Variants in LRRC4C observed in about 807,000 individuals in gnomAD.
The protein encoded by LRRC4C is leucine-rich repeat-containing protein 4C.
A neutral mutation model predicts 33.6 loss-of-function variants in LRRC4C; 5 were observed. The observed-to-expected ratio is 0.15, with a 90% CI of 0.08 to 0.31. The LOEUF is 0.31. LRRC4C is among the 10% of genes least tolerant of loss of function. The pLI is 1.00. For synonymous variants in LRRC4C, 329 were observed against 302.0 expected, an observed-to-expected ratio of 1.09 and a Z score of -0.93; for missense variants, 560 against 796.7, an observed-to-expected ratio of 0.70 and a Z score of 3.58.
chr11:40,321,821 CA>C (rs1387297613), intron 3 of LRRC4C, among the ~76,000 whole-genome samples: 1 of 152,110 alleles, frequency 6.6e-6, no homozygotes, highest in Non-Finnish European at 1.5e-5. Context: ...ATTGTATGTT[CA>C]GGGGAACAAA....
At chr11:40,983,522 A>C (rs1852689453) in intron 1 of LRRC4C, among the ~76,000 whole-genome samples, 1 of 152,198 alleles carries the variant, frequency 6.6e-6, no homozygotes, top group South Asian at 2.1e-4. Context: ...AATGGGATTT[A>C]ATTAAACTAA....
intron 2 of LRRC4C, among the ~76,000 whole-genome samples, chr11:40,696,750 A>ATATG (rs1945568301): frequency 1.5e-5 from 1 of 66,978 alleles, no homozygotes; most frequent in Non-Finnish European, 3.4e-5. Flanking sequence ...TACACTGTGT[A>ATATG]TATATATATA....
chr11:40,239,861 G>T (rs1424963990), intron 5 of LRRC4C, among the ~76,000 whole-genome samples: 1 of 152,132 alleles, frequency 6.6e-6, no homozygotes, highest in African/African-American at 2.4e-5. Context: ...GTTTCTTCTT[G>T]AAAAGATACT....
At chr11:40,469,250 G>T (rs113845391) in intron 3 of LRRC4C, among the ~76,000 whole-genome samples, 21,381 of 152,152 alleles carry the variant, frequency 0.14, 1,584 homozygotes, top group Non-Finnish European at 0.15. Flanking sequence ...GCAGGGTGGG[G>T]TGTCACCTCA....
rs1955932244 is a variant in LRRC4C, at chr11:40,896,188, T to C, written c.-407+37447A>G. On this transcript the variant is annotated intron_variant, in intron 2 of 6. Coordinates refer to ENST00000528697, the MANE Select transcript of LRRC4C (RefSeq NM_001258419.2). The stretch of plus-strand genomic sequence containing the variant: ...TTTTGCTTAGAAGTTTGATCAGCTT[T>C]AAAGTTCGCTCCAGCTCAGCATAGA... Among the ~76,000 whole-genome samples the C allele has an allele frequency of 4.6e-5, 7 of 152,314 alleles. No homozygotes were observed. The South Asian group carries it at 1.4e-3, about 32-fold the overall frequency.
chr11:41,063,671 C>T (rs972583082), intron 1 of LRRC4C, among the ~76,000 whole-genome samples: 4 of 151,960 alleles, frequency 2.6e-5, no homozygotes, highest in African/African-American at 4.8e-5. Context: ...GAGGCTGTAG[C>T]GAAGTAAATT....
At chr11:41,163,304 A>ATTTTTTTTTTTTTTTTTTTG (rs1565440667) in intron 1 of LRRC4C, among the ~76,000 whole-genome samples, 1 of 105,256 alleles carries the variant, frequency 9.5e-6, no homozygotes, top group African/African-American at 3.5e-5. Flanking sequence ...TTTTTTTTCA[A>ATTTTTTTTTTTTTTTTTTTG]ACAGGGTCTT....
At chr11:41,227,460 A>G (rs1279201092) in intron 1 of LRRC4C, among the ~76,000 whole-genome samples, 1 of 152,072 alleles carries the variant, frequency 6.6e-6, no homozygotes, top group Non-Finnish European at 1.5e-5. Flanking sequence ...GTTGCAACCA[A>G]CAAAACACAC....
intron 1 of LRRC4C, among the ~76,000 whole-genome samples, chr11:40,978,675 G>A (rs1288964266): frequency 6.7e-6 from 1 of 148,718 alleles, no homozygotes; most frequent in African/African-American, 2.5e-5. Flanking sequence ...AGGCTGGAGT[G>A]CAGTGGTGCA....
chr11:41,360,397 G>T, intron 1 of LRRC4C, among the ~76,000 whole-genome samples: 1 of 151,482 alleles, frequency 6.6e-6, no homozygotes, highest in East Asian at 1.9e-4. Flanking sequence ...GAAAAAAATG[G>T]AAATGAGATA....
intron 1 of LRRC4C, among the ~76,000 whole-genome samples, chr11:41,022,475 G>A (rs977703285): frequency 2.6e-5 from 4 of 151,806 alleles, no homozygotes; most frequent in African/African-American, 9.7e-5. Flanking sequence ...CTACAGAAAG[G>A]TCCATGATGG....
At position 40,449,345 on chromosome 11, in the gene LRRC4C, CAA is replaced by C. The variant is rs11407596; in HGVS notation, c.-269-129626_-269-129625del. On this transcript the variant is annotated intron_variant, in intron 3 of 6. Transcript: ENST00000528697. ...ACAAAACAAAGCAAAACAAAAGAAG[CAA>C]AAAAAAAAAAATCAACTAAATCAAC... is the stretch of plus-strand genomic sequence containing the variant. 4.0e-4 allele frequency among the ~76,000 whole-genome samples: 56 copies of C among 140,316 alleles called. 2 individuals are homozygous for C. The highest frequency in any genetic ancestry group is 1.3e-3 in the African/African-American group (49 of 38,132). 92.1% of individuals were successfully genotyped at this position (140,316 alleles called of 152,430 possible).
chr11:41,430,195 C>T (rs1427732203), intron 1 of LRRC4C, among the ~76,000 whole-genome samples: 1 of 152,028 alleles, frequency 6.6e-6, no homozygotes, highest in East Asian at 1.9e-4. Context: ...TTGGGAAGAA[C>T]AAAGAATGTA....
At chr11:40,987,630 G>T (rs1021254138) in intron 1 of LRRC4C, among the ~76,000 whole-genome samples, 6 of 88,594 alleles carry the variant, frequency 6.8e-5, no homozygotes, top group East Asian at 3.5e-4. Context: ...AGTGGGTAAT[G>T]ATATATATAT....
At chr11:40,649,668 A>G (rs904411329) in intron 2 of LRRC4C, among the ~76,000 whole-genome samples, 2 of 152,238 alleles carry the variant, frequency 1.3e-5, no homozygotes, top group African/African-American at 4.8e-5. Flanking sequence ...AGGCATAAAA[A>G]ATTATAAAAG....
At chr11:40,269,573 T>C (rs1387908138) in intron 4 of LRRC4C, among the ~76,000 whole-genome samples, 1 of 152,130 alleles carries the variant, frequency 6.6e-6, no homozygotes, top group African/African-American at 2.4e-5. Context: ...CACTCCAAAC[T>C]GACAGTCACC....
At chr11:40,139,395 C>G (rs1857210558) in intron 6 of LRRC4C, among the ~76,000 whole-genome samples, 1 of 152,178 alleles carries the variant, frequency 6.6e-6, no homozygotes, top group Non-Finnish European at 1.5e-5. Context: ...TATCATCATA[C>G]TGATAGCATT....
intron 2 of LRRC4C, among the ~76,000 whole-genome samples, chr11:40,707,680 T>TTG (rs1946238607): frequency 2.0e-5 from 3 of 152,098 alleles, no homozygotes; most frequent in Non-Finnish European, 4.4e-5. Context: ...TCTTTTTTTG[T>TTG]TGTGTCTCTG....
intron 1 of LRRC4C, among the ~76,000 whole-genome samples, chr11:41,265,475 A>T (rs1949119675): frequency 6.6e-6 from 1 of 152,146 alleles, no homozygotes; most frequent in African/African-American, 2.4e-5. Flanking sequence ...AAAACAGGAG[A>T]AAACAGTCCT....
Sources: gnomAD v4.1 joint callset for allele counts (sites outside exome capture counted in the v4.1 genomes callset) on GRCh38, gnomAD v4.1.1 for gene constraint, MANE v1.5 for transcripts, NCBI Gene and HGNC (gene_info 2026-07-23, HGNC 2026-07-21) for gene names.